Variants in ADAP1 observed in about 807,000 individuals in gnomAD.
ADAP1 encodes ArfGAP with dual PH domains 1, also known as arf-GAP with dual PH domain-containing protein 1.
A neutral mutation model predicts 54.9 loss-of-function variants in ADAP1; 31 were observed. The ratio of observed to expected loss-of-function variants is 0.56; its 90% CI spans 0.42 to 0.76. The LOEUF is 0.76. Ranked by LOEUF, ADAP1 falls within the 30% of genes least tolerant of loss-of-function variation. The pLI, the probability that ADAP1 is intolerant of heterozygous loss-of-function variation, is 0.00. For missense variants in ADAP1, 535 were observed against 512.4 expected, an observed-to-expected ratio of 1.04 and a Z score of -0.42; for synonymous variants, 313 against 202.6, an observed-to-expected ratio of 1.55 and a Z score of -4.63.
In ADAP1 at chr7:904,205, C is replaced by T; in HGVS notation, c.569G>A (p.Gly190Asp). The change falls in exon 6 of 11, where the codon GGC becomes GAC. Residue 190 changes from glycine (G) to aspartate (D), a missense_variant. Physicochemically the swap from Gly to Asp is moderately conservative, Grantham distance 94. Coordinates refer to ENST00000265846, the MANE Select transcript of ADAP1 (RefSeq NM_006869.4). ...GGTGACCTGCAGGCCGTGGGGGTGG[C>T]CGATCTTGGCCGGCTGGAAGGTGGC... ...LNATFQPAKI[G>D]HPHGLQVTYL... The T allele has an allele frequency of 6.2e-7, 1 of 1,611,210 alleles. No individual in the cohort carries two copies. Among genetic ancestry groups the T allele is most frequent in the Non-Finnish European group, 8.5e-7 (1 of 1,179,172 alleles).
chr7:913,826 T>C (rs181898329), intron 4 of ADAP1, among the ~76,000 whole-genome samples: 31 of 152,126 alleles, frequency 2.0e-4, no homozygotes, highest in African/African-American at 7.5e-4. Flanking sequence ...TCCCAGCTAC[T>C]CAGGATGCTG....
chr7:942,565 AGAG>A (rs1340112941), intron 1 of ADAP1, among the ~76,000 whole-genome samples: 4 of 88,746 alleles, frequency 4.5e-5, no homozygotes, highest in African/African-American at 1.4e-4. Context: ...TAGGAGGAAG[AGAG>A]GAGGAGGAAG....
At chr7:927,348 G>A (rs1846425674) in intron 2 of ADAP1, 2 of 838,530 alleles carry the variant, frequency 2.4e-6, no homozygotes, top group Non-Finnish European at 3.4e-6. Flanking sequence ...CAATGACCCT[G>A]CCGCCAGCCA....
chr7:916,622 G>T (rs371678219), intron 4 of ADAP1, among the ~76,000 whole-genome samples: 1 of 152,180 alleles, frequency 6.6e-6, no homozygotes, highest in Non-Finnish European at 1.5e-5. Flanking sequence ...CCAGGTGCCC[G>T]CGTGTTCATC....
intron 5 of ADAP1, 30 bp downstream of exon 5, chr7:905,030 G>A (rs770125827): frequency 2.3e-5 from 36 of 1,593,108 alleles, no homozygotes; most frequent in African/African-American, 4.0e-5. Flanking sequence ...CCTGGGACAG[G>A]CCCCCACCCC....
chr7:939,934 C>T (rs1042454166), intron 1 of ADAP1, among the ~76,000 whole-genome samples: 1 of 152,004 alleles, frequency 6.6e-6, no homozygotes, highest in Non-Finnish European at 1.5e-5. Flanking sequence ...TGATAGCTTA[C>T]AGCCATTACT....
In ADAP1 at chr7:912,947, C is replaced by T. The variant is rs73254035; in HGVS notation, c.388+7021G>A. Among the ~76,000 whole-genome samples the T allele has an allele frequency of 8.5e-3, 1,301 of 152,322 alleles. 23 individuals carry two copies. Among genetic ancestry groups the T allele is most frequent in the African/African-American group, 0.029 (1,211 of 41,574 alleles). On this transcript the variant is annotated intron_variant, in intron 4 of 10. Transcript: ENST00000265846. ...CACTGCAGTCTTGACCTCCTGGGCT[C>T]AGACCATCCTCCCACCTCAGTGTCC...
chr7:928,620 G>C (rs1846465772), intron 2 of ADAP1, among the ~76,000 whole-genome samples: 1 of 152,176 alleles, frequency 6.6e-6, no homozygotes, highest in Non-Finnish European at 1.5e-5. Context: ...ACTCAACACT[G>C]TTAGCTGTCA....
chr7:910,115 G>A (rs886678407), intron 4 of ADAP1, among the ~76,000 whole-genome samples: 2 of 152,150 alleles, frequency 1.3e-5, no homozygotes, highest in Non-Finnish European at 2.9e-5. Context: ...GCCCTTCCAC[G>A]CTGCCCGTGG....
chr7:943,733 G>GGAC (rs537566541), intron 1 of ADAP1, among the ~76,000 whole-genome samples: 6 of 20,908 alleles, frequency 2.9e-4, no homozygotes, highest in African/African-American at 3.8e-4. Flanking sequence ...GGAGAGAGGA[G>GGAC]GAAGGGAGAG....
rs1279044633 is a variant in ADAP1 at position 906,647 on chromosome 7, A to AG, written c.389-1476dup. 3.6e-5 allele frequency among the ~76,000 whole-genome samples: 4 copies of AG among 111,204 alleles called. 1 individual carries two copies. Among genetic ancestry groups the AG allele is most frequent in the African/African-American group, 8.2e-5 (2 of 24,424 alleles). The allele number at this position is 111,204 out of a possible 152,430, so 73.0% of individuals were successfully genotyped here. On this transcript the variant is annotated intron_variant, in intron 4 of 10. Transcript: ENST00000265846. Reference sequence around the variant, plus strand: ...GAGAAAGGAGAAAGGAGAAAGGGAAAGGAGAAAGGGGGCGGGAAAGGGGAC... The same window carrying AG: ...GAGAAAGGAGAAAGGAGAAAGGGAAAGGGAGAAAGGGGGCGGGAAAGGGGAC...
chr7:927,589 A>G, intron 2 of ADAP1: 1 of 435,888 alleles, frequency 2.3e-6, no homozygotes, highest in Admixed American at 2.7e-5. Flanking sequence ...AGGGCCCAGA[A>G]GAGCAGCTGG....
chr7:905,508 G>GGAGAAA (rs1562912109), intron 4 of ADAP1: 6 of 24,138 alleles, frequency 2.5e-4, no homozygotes, highest in Admixed American at 4.4e-4. Flanking sequence ...GAAGGGAGAA[G>GGAGAAA]GGAGAAGGGA....
At chr7:905,403 A>AGGGAGAAAGAGAAAGGAGAAAGGAGAAAG (rs372776243) in intron 4 of ADAP1, 4 of 229,612 alleles carry the variant, frequency 1.7e-5, no homozygotes, top group Non-Finnish European at 2.2e-5. Context: ...GAAAGGAGAA[A>AGGGAGAAAGAGAAAGGAGAAAGGAGAAAG]GGAGAAAGGG....
rs1478703380 is a variant in ADAP1 at position 946,227 on chromosome 7, T to C, written c.82+8169A>G. Among the ~76,000 whole-genome samples, 1 of 152,160 alleles carries C rather than the reference T, an allele frequency of 6.6e-6. No homozygotes were observed. The highest frequency in any genetic ancestry group is 1.5e-5 in the Non-Finnish European group (1 of 68,030). ...CCGCATATTGTCTCCCAGTTACCCG[T>C]GGCCCCTGCAGGGATCCAGGCTCCC... On this transcript the variant is annotated intron_variant, in intron 1 of 10. Transcript: ENST00000265846. This position sits in a 1 kb window ranked among gnomAD's most constrained non-coding sequence, Gnocchi z 4.3.
Position 920,155 on chromosome 7 carries a change from C to A in ADAP1, c.306-105G>T. On this transcript the variant is annotated intron_variant, in intron 3 of 10. Transcript: ENST00000265846. This position sits in a 1 kb window ranked among gnomAD's most constrained non-coding sequence, Gnocchi z 4.5. The stretch of plus-strand genomic sequence containing the variant: ...GGACATCTCAAGAGGCTCATAGGGA[C>A]CCCCGGCAGACTCGAGCCGCCCCTC... 5.0e-6 allele frequency: 5 copies of A among 1,008,642 alleles called. No homozygotes were observed. Among genetic ancestry groups the A allele is most frequent in the Non-Finnish European group, 7.3e-6 (5 of 687,218 alleles). 62.5% of individuals were successfully genotyped at this position (1,008,642 alleles called of 1,614,324 possible). A position where few individuals can be genotyped will look rare whatever the true frequency, so the allele number is the denominator to read the frequency against.
chr7:954,154 G>T (rs184515709), intron 1 of ADAP1, among the ~76,000 whole-genome samples: 1 of 151,494 alleles, frequency 6.6e-6, no homozygotes, highest in African/African-American at 2.4e-5. Flanking sequence ...CGGCAGGGGG[G>T]TTTCCGGGGG....
chr7:903,932 C>A, intron 6 of ADAP1, 194 bp downstream of exon 6: 2 of 648,304 alleles, frequency 3.1e-6, no homozygotes, highest in East Asian at 3.4e-5. Context: ...TGCTGCCCGG[C>A]GCCAGTGCCC....
intron 5 of ADAP1, among the ~76,000 whole-genome samples, 182 bp downstream of exon 5, chr7:904,878 G>T (rs1167171108): frequency 3.3e-5 from 5 of 152,234 alleles, no homozygotes; most frequent in Admixed American, 2.6e-4. Flanking sequence ...CCACCCTGGG[G>T]GACGCTGGGT....
Sources: gnomAD v4.1 joint callset for allele counts (sites outside exome capture counted in the v4.1 genomes callset) on GRCh38, gnomAD v4.1.1 for gene constraint, Gnocchi (gnomAD v3.1) non-coding constraint, MANE v1.5 for transcripts, NCBI Gene and HGNC (gene_info 2026-07-23, HGNC 2026-07-21) for gene names.